Variants in CYB5RL observed in about 807,000 individuals in gnomAD.
The protein encoded by CYB5RL is NADH-cytochrome b5 reductase-like.
In CYB5RL, 38 loss-of-function variants were observed where a neutral mutation model predicts 37.5. The ratio of observed to expected loss-of-function variants is 1.01; its 90% CI spans 0.78 to 1.33. The LOEUF is 1.33. Ranked by LOEUF, CYB5RL falls within the 40% of genes most tolerant of loss-of-function variation. The pLI is 0.00. For synonymous variants in CYB5RL, 141 were observed against 151.9 expected (o/e 0.93, Z 0.53); for missense variants, 388 against 394.4 (o/e 0.98, Z 0.14).
chr1:54,174,497 G>C lies in CYB5RL; in HGVS notation c.*122C>G, dbSNP rs1659969263. 8.4e-7 allele frequency: 1 copy of C among 1,190,140 alleles called. No homozygotes were observed. Among genetic ancestry groups the C allele is most frequent in the African/African-American group, 1.5e-5 (1 of 65,666 alleles). The allele number at this position is 1,190,140 out of a possible 1,614,324, so 73.7% of individuals were successfully genotyped here. A position where few individuals can be genotyped will look rare whatever the true frequency, so the allele number is the denominator to read the frequency against. ...CTGAGCAGTAAAGACACTTGCCCAA[G>C]GTCACCTGGCAAATGAGCAGCAGGA... On this transcript the variant is annotated 3_prime_UTR_variant, in exon 8 of 8. Transcript: ENST00000534324.
chr1:54,193,127 T>C (rs993238674), intron 3 of CYB5RL, among the ~76,000 whole-genome samples: 1 of 152,254 alleles, frequency 6.6e-6, no homozygotes, highest in Non-Finnish European at 1.5e-5. Context: ...GGCATCTTTA[T>C]TACCAACCTC....
At position 54,169,999 on chromosome 1, in the gene CYB5RL, T is replaced by C. The variant is rs1176165757; in HGVS notation, c.*4620A>G. ...ATGTACATTTCACTTAGTTATTATG[T>C]TTTTAGGACTTCGTCTATATTGGTA... On this transcript the variant is annotated 3_prime_UTR_variant, in exon 8 of 8. Transcript: ENST00000534324. The C allele has an allele frequency of 6.6e-6, 1 of 152,240 alleles. No homozygotes were observed. The highest frequency in any genetic ancestry group is 1.5e-5 in the Non-Finnish European group (1 of 68,042). The allele number at this position is 152,240 out of a possible 1,614,324, so 9.4% of individuals were successfully genotyped here. A position where few individuals can be genotyped will look rare whatever the true frequency, so the allele number is the denominator to read the frequency against.
In CYB5RL at chr1:54,174,259, C is replaced by T. The variant is rs546818088; in HGVS notation, c.*360G>A. ...TGGAGCCCCCATTAGATCCTCTAAT[C>T]GGAGGGGCCAGGGAAGCTCCTCCCG... On this transcript the variant is annotated 3_prime_UTR_variant, in exon 8 of 8. Transcript: ENST00000534324. 109 of 295,312 alleles carry T rather than the reference C, an allele frequency of 3.7e-4. No homozygotes were observed. The highest frequency in any genetic ancestry group is 2.3e-3 in the African/African-American group (106 of 46,906). 18.3% of individuals were successfully genotyped at this position (295,312 alleles called of 1,614,324 possible).
rs1047919059 is a variant in CYB5RL at position 54,173,595 on chromosome 1, G to T, written c.*1024C>A. 1 of 152,252 alleles carries T rather than the reference G, an allele frequency of 6.6e-6. No individual in the cohort carries two copies. Among genetic ancestry groups the T allele is most frequent in the Non-Finnish European group, 1.5e-5 (1 of 68,050 alleles). 9.4% of individuals were successfully genotyped at this position (152,252 alleles called of 1,614,324 possible). ...ACTTTCAGCTTTGATATGGTGAAGA[G>T]TACATTTCTATGACTATAAAAGTCT... is the stretch of plus-strand genomic sequence containing the variant. On this transcript the variant is annotated 3_prime_UTR_variant, in exon 8 of 8. Coordinates refer to ENST00000534324, the MANE Select transcript of CYB5RL (RefSeq NM_001031672.4).
Position 54,174,458 on chromosome 1 carries a change from G to A in CYB5RL, c.*161C>T, listed in dbSNP as rs141591932. On this transcript the variant is annotated 3_prime_UTR_variant, in exon 8 of 8. Transcript: ENST00000534324. ...GAGTGATTAACCTCATGGGGCAGAT[G>A]AGAAGTAGAGGTTCTGAGCAGTAAA... The A allele has an allele frequency of 4.1e-5, 31 of 752,164 alleles. No individual in the cohort carries two copies. In the East Asian group the frequency reaches 8.1e-4, roughly 20 times the overall value. 46.6% of individuals were successfully genotyped at this position (752,164 alleles called of 1,614,324 possible).
intron 6 of CYB5RL, among the ~76,000 whole-genome samples, chr1:54,180,827 G>A (rs1360391856): frequency 6.6e-6 from 1 of 152,100 alleles, no homozygotes; most frequent in Non-Finnish European, 1.5e-5. Flanking sequence ...ACCTATCTCA[G>A]AACTGTTACC....
chr1:54,195,452 C>T lies in CYB5RL; in HGVS notation c.165G>A (p.Lys55=). 2 of 1,610,752 alleles carry T rather than the reference C, an allele frequency of 1.2e-6. No homozygotes were observed. The highest frequency in any genetic ancestry group is 1.7e-6 in the Non-Finnish European group (2 of 1,177,890). Reference sequence around the variant, plus strand: ...CTGGCCCACGCAGCAGGCTCCTGTCCTTGCTGGCTTGGGCTGCCTCCCACC... The same window carrying T: ...CTGGCCCACGCAGCAGGCTCCTGTCTTTGCTGGCTTGGGCTGCCTCCCACC... ...LARWEAAQAS[K]DRSLLRGPES... The change falls in exon 3 of 8, where the codon AAG becomes AAA. Residue 55 remains lysine (K), a synonymous_variant. Transcript: ENST00000534324.
rs1422744798 is a variant in CYB5RL, at chr1:54,171,230, G to T, written c.*3389C>A. On this transcript the variant is annotated 3_prime_UTR_variant, in exon 8 of 8. Coordinates refer to ENST00000534324, the MANE Select transcript of CYB5RL (RefSeq NM_001031672.4). ...GGAGGCTGGCCAGGCAGAGGAAGCA[G>T]CGAGTGTAAGGGATGAGCTGACGCA... is the stretch of plus-strand genomic sequence containing the variant. The T allele has an allele frequency of 2.2e-6, 1 of 456,004 alleles. No homozygotes were observed. The highest frequency in any genetic ancestry group is 2.0e-5 in the African/African-American group (1 of 50,032). 28.2% of individuals were successfully genotyped at this position (456,004 alleles called of 1,614,324 possible). A position where few individuals can be genotyped will look rare whatever the true frequency, so the allele number is the denominator to read the frequency against.
At chr1:54,175,390 C>T (rs1659995111) in intron 7 of CYB5RL, among the ~76,000 whole-genome samples, 1 of 152,232 alleles carries the variant, frequency 6.6e-6, no homozygotes, top group Non-Finnish European at 1.5e-5. Flanking sequence ...ACAATGCCTT[C>T]ACTGAGAAAG....
intron 4 of CYB5RL, among the ~76,000 whole-genome samples, chr1:54,189,891 G>A (rs763665322): frequency 6.6e-6 from 1 of 152,210 alleles, no homozygotes; most frequent in Admixed American, 6.5e-5. Context: ...TCCTCTGGCC[G>A]CACCTTGCTT....
Position 54,171,773 on chromosome 1 carries a change from A to C in CYB5RL, c.*2846T>G. The C allele has an allele frequency of 3.2e-6, 1 of 310,014 alleles. No homozygotes were observed. Among genetic ancestry groups the C allele is most frequent in the South Asian group, 3.1e-5 (1 of 32,344 alleles). The allele number at this position is 310,014 out of a possible 1,614,324, so 19.2% of individuals were successfully genotyped here. A position where few individuals can be genotyped will look rare whatever the true frequency, so the allele number is the denominator to read the frequency against. On this transcript the variant is annotated 3_prime_UTR_variant, in exon 8 of 8. Transcript: ENST00000534324. The stretch of plus-strand genomic sequence containing the variant: ...CATCAGAGGAACAGCAGCTGATGGG[A>C]ACCATGCCCCCACAGCTCCAAGAGG...
At chr1:54,184,807 T>G (rs1370163353) in intron 5 of CYB5RL, 1 of 152,548 alleles carries the variant, frequency 6.6e-6, no homozygotes, top group Non-Finnish European at 1.5e-5. Flanking sequence ...CTGCAATTAA[T>G]TCAAAATTTT....
intron 6 of CYB5RL, among the ~76,000 whole-genome samples, chr1:54,182,330 G>T (rs1220403145): frequency 6.6e-6 from 1 of 152,186 alleles, no homozygotes; most frequent in East Asian, 1.9e-4. Context: ...ACACGTGCTT[G>T]ATATTATTAT....
At chr1:54,178,524 G>A (rs621359) in intron 7 of CYB5RL, among the ~76,000 whole-genome samples, 116,068 of 152,136 alleles carry the variant, frequency 0.76, 44,558 homozygotes, top group East Asian at 0.99. Flanking sequence ...CTGAGTGAGC[G>A]GAGGGGATGT....
At position 54,195,688 on chromosome 1, in the gene CYB5RL, C is replaced by T. The variant is rs936819393; in HGVS notation, c.-72G>A. ...GAACAGGCCAGGCTCTATGAGACCACGGGCGCAGGCCCTGCTCCTTGGCCA... is the reference window on the plus strand; with the variant it reads ...GAACAGGCCAGGCTCTATGAGACCATGGGCGCAGGCCCTGCTCCTTGGCCA... On this transcript the variant is annotated 5_prime_UTR_variant, in exon 3 of 8. The change creates a new upstream start codon in the 5' untranslated region. Transcript: ENST00000534324. The T allele has an allele frequency of 3.7e-5, 56 of 1,494,024 alleles. No individual in the cohort carries two copies. Among genetic ancestry groups the T allele is most frequent in the Admixed American group, 3.7e-4 (18 of 48,740 alleles). The allele number at this position is 1,494,024 out of a possible 1,614,324, so 92.5% of individuals were successfully genotyped here.
At position 54,171,327 on chromosome 1, in the gene CYB5RL, A is replaced by G. The variant is rs1317842797; in HGVS notation, c.*3292T>C. ...CATACAAAAAGTCTGGAGAGGTGGC[A>G]GAGCAGAGAGGCCCTACCCCAAGGC... On this transcript the variant is annotated 3_prime_UTR_variant, in exon 8 of 8. Transcript: ENST00000534324. 1 of 456,300 alleles carries G rather than the reference A, an allele frequency of 2.2e-6. No individual in the cohort carries two copies. The highest frequency in any genetic ancestry group is 4.4e-6 in the Non-Finnish European group (1 of 226,836). 28.3% of individuals were successfully genotyped at this position (456,300 alleles called of 1,614,324 possible). A position where few individuals can be genotyped will look rare whatever the true frequency, so the allele number is the denominator to read the frequency against.
Position 54,170,884 on chromosome 1 carries a change from G to A in CYB5RL, c.*3735C>T, listed in dbSNP as rs1391077538. On this transcript the variant is annotated 3_prime_UTR_variant, in exon 8 of 8. Transcript: ENST00000534324. ...GGGTAATAAAATAGCATGTATATTG[G>A]TGAAGATTCTTGCTTCAAAGTAGAG... 8.9e-6 allele frequency: 3 copies of A among 336,100 alleles called. No homozygotes were observed. The highest frequency in any genetic ancestry group is 1.2e-5 in the Non-Finnish European group (2 of 168,934). The allele number at this position is 336,100 out of a possible 1,614,324, so 20.8% of individuals were successfully genotyped here.
At chr1:54,183,253 G>A (rs949139274) in intron 6 of CYB5RL, among the ~76,000 whole-genome samples, 2 of 152,088 alleles carry the variant, frequency 1.3e-5, no homozygotes, top group East Asian at 1.9e-4. Flanking sequence ...TTGGATATTC[G>A]GTTGTTTCCA....
intron 5 of CYB5RL, chr1:54,185,063 C>A (rs560012142): frequency 6.6e-6 from 1 of 152,202 alleles, no homozygotes; most frequent in South Asian, 2.1e-4. Context: ...AGTGCCTGAA[C>A]CATGGAAGTA....
Sources: gnomAD v4.1 joint callset for allele counts (sites outside exome capture counted in the v4.1 genomes callset) on GRCh38, gnomAD v4.1.1 for gene constraint, MANE v1.5 for transcripts, NCBI Gene and HGNC (gene_info 2026-07-23, HGNC 2026-07-21) for gene names.